The following ARHGEF28 variants were observed in gnomAD, a reference collection of about 807,000 sequenced individuals.
ARHGEF28 encodes 190 kDa guanine nucleotide exchange factor.
ARHGEF28 carries 152 observed loss-of-function variants against 206.6 expected under a neutral mutation model. The ratio of observed to expected loss-of-function variants is 0.74; its 90% CI spans 0.64 to 0.84. ARHGEF28 has a LOEUF of 0.84. Among genes scored for constraint, ARHGEF28 ranks in the 40% least tolerant of loss-of-function variants. The pLI, the probability that ARHGEF28 is intolerant of heterozygous loss-of-function variation, is 0.00. For missense variants in ARHGEF28, 2,028 were observed against 2,073.2 expected, an observed-to-expected ratio of 0.98 and a Z score of 0.42; for synonymous variants, 763 against 776.4, an observed-to-expected ratio of 0.98 and a Z score of 0.29.
At chr5:73,913,932 G>T (rs1243552070) in intron 35 of ARHGEF28, among the ~76,000 whole-genome samples, 1 of 152,092 alleles carries the variant, frequency 6.6e-6, no homozygotes, top group Non-Finnish European at 1.5e-5. Flanking sequence ...TGCCTAGTCT[G>T]GTACTGTGGA....
intron 11 of ARHGEF28, among the ~76,000 whole-genome samples, chr5:73,841,902 T>C (rs1044331089): frequency 1.3e-5 from 2 of 152,152 alleles, no homozygotes; most frequent in African/African-American, 2.4e-5. Flanking sequence ...GTGTTTGTTT[T>C]ATTTAACATA....
At chr5:73,679,428 G>A (rs2112236256) in intron 1 of ARHGEF28, among the ~76,000 whole-genome samples, 1 of 152,208 alleles carries the variant, frequency 6.6e-6, no homozygotes, top group African/African-American at 2.4e-5. Flanking sequence ...TTAGCTGGGT[G>A]TGGTGACACA....
At chr5:73,700,930 T>C (rs565012990) in intron 2 of ARHGEF28, among the ~76,000 whole-genome samples, 1 of 151,760 alleles carries the variant, frequency 6.6e-6, no homozygotes, top group Non-Finnish European at 1.5e-5. Context: ...TGGAACAAAA[T>C]GAGTTAAATA....
intron 9 of ARHGEF28, among the ~76,000 whole-genome samples, chr5:73,814,755 G>A (rs372241664): frequency 3.6e-4 from 55 of 152,222 alleles, no homozygotes; most frequent in African/African-American, 1.3e-3. Context: ...GCAGTTGTCA[G>A]CAAACCAGCT....
chr5:73,638,701 T>C (rs917331573), intron 1 of ARHGEF28, among the ~76,000 whole-genome samples: 8 of 152,200 alleles, frequency 5.3e-5, no homozygotes, highest in Admixed American at 2.6e-4. Flanking sequence ...TTAAAAAACA[T>C]AAAATCCTTC....
chr5:73,726,804 T>C (rs1750300933), intron 2 of ARHGEF28, among the ~76,000 whole-genome samples: 1 of 152,214 alleles, frequency 6.6e-6, no homozygotes, highest in Non-Finnish European at 1.5e-5. Context: ...TATCTTTTTT[T>C]CCCGCTGCCC....
Position 73,870,149 on chromosome 5 carries a change from G to A in ARHGEF28, c.2506G>A (p.Asp836Asn). Residue 836 changes from aspartate to asparagine, a missense_variant, in exon 21 of 36, where the codon GAT becomes AAT. By Grantham distance (23) the Asp-to-Asn change is conservative. This residue lies in a region of ARHGEF28 where 1,002 missense variants were observed against 1,015.3 expected (regional missense o/e 0.99). Coordinates refer to ENST00000513042, the MANE Select transcript of ARHGEF28 (RefSeq NM_001177693.2). ...AGCAGAATCTTGGAGTCTTGTGGTG[G>A]ATCCCTCATTTTGTAATAGGCAGGA... ...FEAESWSLVV[D>N]PSFCNRQEKD... 1 of 1,613,930 alleles carries A rather than the reference G, an allele frequency of 6.2e-7. No individual in the cohort carries two copies. Among genetic ancestry groups the A allele is most frequent in the Non-Finnish European group, 8.5e-7 (1 of 1,179,874 alleles).
chr5:73,747,553 T>C (rs1751790994), intron 2 of ARHGEF28, among the ~76,000 whole-genome samples: 1 of 152,216 alleles, frequency 6.6e-6, no homozygotes, highest in Admixed American at 6.5e-5. Flanking sequence ...ATATTTTCTT[T>C]CCTTGTCTTC....
intron 1 of ARHGEF28, among the ~76,000 whole-genome samples, chr5:73,649,455 CT>C (rs1744656300): frequency 6.6e-6 from 1 of 151,558 alleles, no homozygotes. Flanking sequence ...ATTGGAAAAA[CT>C]TTCATTGTGG....
chr5:73,739,998 G>T lies in ARHGEF28; in HGVS notation c.34-9839G>T, dbSNP rs534294944. Among the ~76,000 whole-genome samples the T allele has an allele frequency of 3.1e-3, 445 of 142,118 alleles. 1 individual carries two copies. The highest frequency in any genetic ancestry group is 5.5e-3 in the African/African-American group (211 of 38,054). 93.2% of individuals were successfully genotyped at this position (142,118 alleles called of 152,430 possible). A position where few individuals can be genotyped will look rare whatever the true frequency, so the allele number is the denominator to read the frequency against. On this transcript the variant is annotated intron_variant, in intron 2 of 35. Coordinates refer to ENST00000513042, the MANE Select transcript of ARHGEF28 (RefSeq NM_001177693.2). ...AGCCTGGGCAACATAGTGAGACTTT[G>T]TCTCTACCAAAAAAAAAAAAAAAAT...
intron 10 of ARHGEF28, among the ~76,000 whole-genome samples, chr5:73,832,693 A>G (rs1757373026): frequency 6.6e-6 from 1 of 152,186 alleles, no homozygotes; most frequent in Non-Finnish European, 1.5e-5. Flanking sequence ...GGGTCTTGAG[A>G]TACTGCCAAA....
At chr5:73,785,177 G>T (rs950728463) in intron 7 of ARHGEF28, among the ~76,000 whole-genome samples, 2 of 152,142 alleles carry the variant, frequency 1.3e-5, no homozygotes, top group African/African-American at 4.8e-5. Flanking sequence ...CTGATGGCAG[G>T]GGCTACTGTA....
At chr5:73,720,384 G>A (rs1049332250) in intron 2 of ARHGEF28, among the ~76,000 whole-genome samples, 1 of 152,172 alleles carries the variant, frequency 6.6e-6, no homozygotes, top group East Asian at 1.9e-4. Flanking sequence ...GTAGTTTGAC[G>A]GGAGGGAAGT....
chr5:73,665,641 G>A (rs1213116929), intron 1 of ARHGEF28, among the ~76,000 whole-genome samples: 1 of 152,192 alleles, frequency 6.6e-6, no homozygotes, highest in African/African-American at 2.4e-5. Context: ...AAGGGCAAGA[G>A]AGCATGAGAG....
chr5:73,773,219 C>T (rs143994442), intron 4 of ARHGEF28, among the ~76,000 whole-genome samples: 143 of 152,282 alleles, frequency 9.4e-4, no homozygotes, highest in Admixed American at 2.4e-3. Flanking sequence ...GCACACGGAC[C>T]GACCAAGGGC....
intron 25 of ARHGEF28, among the ~76,000 whole-genome samples, chr5:73,887,299 C>A (rs961299207): frequency 6.6e-6 from 1 of 152,070 alleles, no homozygotes; most frequent in African/African-American, 2.4e-5. Flanking sequence ...CTTTTCCTGC[C>A]GAAGGTAAGA....
At chr5:73,921,201 T>C (rs901846578) in intron 35 of ARHGEF28, among the ~76,000 whole-genome samples, 1 of 152,190 alleles carries the variant, frequency 6.6e-6, no homozygotes, top group Non-Finnish European at 1.5e-5. Flanking sequence ...AAACATCAAA[T>C]ATTTATTATA....
At chr5:73,759,964 G>A (rs1369369325) in intron 4 of ARHGEF28, among the ~76,000 whole-genome samples, 2 of 152,328 alleles carry the variant, frequency 1.3e-5, no homozygotes, top group African/African-American at 4.8e-5. Flanking sequence ...AGCAAGATTT[G>A]TTTAATGTTT....
intron 35 of ARHGEF28, among the ~76,000 whole-genome samples, chr5:73,914,002 A>G (rs1763064992): frequency 6.6e-6 from 1 of 152,190 alleles, no homozygotes; most frequent in East Asian, 1.9e-4. Flanking sequence ...GCTGATGGGA[A>G]AAATTGTATA....
Sources: gnomAD v4.1 joint callset for allele counts (sites outside exome capture counted in the v4.1 genomes callset) on GRCh38, gnomAD v4.1.1 for gene constraint, gnomAD v4.1.1 regional missense constraint, MANE v1.5 for transcripts, NCBI Gene and HGNC (gene_info 2026-07-23, HGNC 2026-07-21) for gene names.